PVT1: variants seen among roughly 807,000 people sequenced by gnomAD.
The protein encoded by PVT1 is Pvt1 oncogene, also known as CXCR4/PVT1 fusion.
At chr8:127,845,030 G>A (rs1442666643) in intron 2 of PVT1, among the ~76,000 whole-genome samples, 1 of 152,202 alleles carries the variant, frequency 6.6e-6, no homozygotes, top group Admixed American at 6.5e-5. Flanking sequence ...TGTTTTACAT[G>A]CATCTCACTG....
intron 4 of PVT1, among the ~76,000 whole-genome samples, chr8:128,056,535 G>A (rs780127772): frequency 5.3e-5 from 8 of 152,120 alleles, no homozygotes; most frequent in Non-Finnish European, 1.0e-4. Context: ...GCTTTAACCT[G>A]GGCCCTGCCC....
At position 127,798,782 on chromosome 8, in the gene PVT1, A is replaced by G. The variant is rs1264859983; in HGVS notation, n.372+2711A>G. Among the ~76,000 whole-genome samples the G allele has an allele frequency of 6.6e-5, 10 of 151,130 alleles. No homozygotes were observed. In the East Asian group the frequency reaches 2.0e-3, roughly 29 times the overall value. On this transcript the variant is annotated intron_variant and non_coding_transcript_variant, in intron 2 of 10. Transcript: ENST00000651587. ...TCCTAGCTACTCGGGAGGCTGAGGT[A>G]GGAAGATCTCTTGAACCCGGGAGAC...
At chr8:127,926,932 ATTGAATCACAGCC>A (rs1234453161) in intron 3 of PVT1, among the ~76,000 whole-genome samples, 8 of 152,174 alleles carry the variant, frequency 5.3e-5, no homozygotes, top group Non-Finnish European at 1.2e-4. Context: ...AAAGGTCTGC[ATTGAATCACAGCC>A]TTGGCACTGT....
chr8:127,852,536 C>G (rs1391540380), intron 2 of PVT1, among the ~76,000 whole-genome samples: 1 of 152,182 alleles, frequency 6.6e-6, no homozygotes, highest in Admixed American at 6.5e-5. Flanking sequence ...TCAGCATCCT[C>G]TTGTGTGAAA....
chr8:127,933,077 AT>A (rs58301899), intron 3 of PVT1, among the ~76,000 whole-genome samples: 1,948 of 151,242 alleles, frequency 0.013, 36 homozygotes, highest in African/African-American at 0.044. Flanking sequence ...CAGTTTCATG[AT>A]TTTTTTTTTC....
chr8:127,998,280 A>G (rs1183420754), intron 4 of PVT1: 2 of 152,186 alleles, frequency 1.3e-5, no homozygotes, highest in Non-Finnish European at 2.9e-5. Flanking sequence ...GATCTACATG[A>G]ACTATTTAGA....
intron 2 of PVT1, among the ~76,000 whole-genome samples, chr8:127,871,953 G>A (rs770594002): frequency 3.3e-5 from 5 of 152,130 alleles, no homozygotes; most frequent in Admixed American, 6.5e-5. Context: ...TTAGCCAGAC[G>A]TGGTGATGGG....
chr8:127,823,805 A>G (rs959449510), intron 2 of PVT1, among the ~76,000 whole-genome samples: 1 of 152,230 alleles, frequency 6.6e-6, no homozygotes, highest in African/African-American at 2.4e-5. Flanking sequence ...AGGCTTGTCA[A>G]TGGCCTTCAC....
chr8:127,870,868 T>C (rs982621400), intron 2 of PVT1, among the ~76,000 whole-genome samples: 10 of 152,204 alleles, frequency 6.6e-5, no homozygotes, highest in African/African-American at 2.2e-4. Flanking sequence ...GCCCTTATTA[T>C]TTATACTGTT....
intron 4 of PVT1, among the ~76,000 whole-genome samples, chr8:128,016,973 C>T (rs1210109932): frequency 2.0e-5 from 3 of 152,114 alleles, no homozygotes; most frequent in Non-Finnish European, 4.4e-5. Flanking sequence ...ATGGCTTGAG[C>T]CCAGGAGTTC....
intron 2 of PVT1, among the ~76,000 whole-genome samples, chr8:127,875,829 G>A (rs933147016): frequency 1.3e-5 from 2 of 152,206 alleles, no homozygotes; most frequent in Non-Finnish European, 2.9e-5. Flanking sequence ...GCACAGAATG[G>A]AGCTCAGTAA....
At chr8:127,888,940 G>A (rs868174154) in intron 2 of PVT1, among the ~76,000 whole-genome samples, 1 of 152,126 alleles carries the variant, frequency 6.6e-6, no homozygotes, top group Non-Finnish European at 1.5e-5. Context: ...AGTAATCGTT[G>A]CTTTTGATGG....
intron 3 of PVT1, among the ~76,000 whole-genome samples, chr8:127,910,591 A>T (rs1815882260): frequency 6.6e-6 from 1 of 152,214 alleles, no homozygotes; most frequent in South Asian, 2.1e-4. Context: ...ATGACTTCCT[A>T]ATGATAATAA....
chr8:127,798,778 A>T (rs1051156070), intron 2 of PVT1, among the ~76,000 whole-genome samples: 1 of 150,240 alleles, frequency 6.7e-6, no homozygotes, highest in Non-Finnish European at 1.5e-5. Flanking sequence ...CGGGAGGCTG[A>T]GGTAGGAAGA....
intron 4 of PVT1, among the ~76,000 whole-genome samples, chr8:128,020,060 G>A (rs1817415549): frequency 1.9e-5 from 1 of 52,784 alleles, no homozygotes; most frequent in South Asian, 8.7e-4. Context: ...CTGAGGCTGG[G>A]TAAAGTCCTT....
At chr8:127,970,927 G>A (rs184863695) in intron 3 of PVT1, among the ~76,000 whole-genome samples, 8 of 152,288 alleles carry the variant, frequency 5.3e-5, no homozygotes, top group Admixed American at 3.3e-4. Flanking sequence ...TAAATCAGGG[G>A]CCAGCAAACT....
chr8:127,863,921 GC>G, intron 2 of PVT1, among the ~76,000 whole-genome samples: 1 of 152,310 alleles, frequency 6.6e-6, no homozygotes. Flanking sequence ...CCAGGCCTTT[GC>G]CCCCATGCCC....
Position 127,955,880 on chromosome 8 carries a change from G to A in PVT1, n.783-33282G>A, listed in dbSNP as rs902637409. ...GTTACAGGCGTGAACCACCACACCC[G>A]GCTGTAATATCATTTCTATTCTGCA... On this transcript the variant is annotated intron_variant and non_coding_transcript_variant, in intron 3 of 10. Transcript: ENST00000651587. Among the ~76,000 whole-genome samples the A allele has an allele frequency of 3.9e-5, 6 of 152,134 alleles. No homozygotes were observed. In the East Asian group the frequency reaches 7.7e-4, roughly 20 times the overall value.
intron 4 of PVT1, among the ~76,000 whole-genome samples, chr8:128,042,465 T>TC (rs1184886602): frequency 6.6e-6 from 1 of 151,982 alleles, no homozygotes; most frequent in Non-Finnish European, 1.5e-5. Context: ...GAACACCACT[T>TC]CCCCCCAAGA....
Sources: gnomAD v4.1 joint callset for allele counts (sites outside exome capture counted in the v4.1 genomes callset) on GRCh38, gnomAD v4.1.1 for gene constraint, MANE v1.5 for transcripts, NCBI Gene and HGNC (gene_info 2026-07-23, HGNC 2026-07-21) for gene names.